TGM3: variants seen among roughly 807,000 people sequenced by gnomAD.
The protein encoded by TGM3 is protein-glutamine gamma-glutamyltransferase E.
TGM3 carries 52 observed loss-of-function variants against 73.8 expected under a neutral mutation model. That is an observed-to-expected ratio of 0.70 (90% confidence interval 0.56 to 0.89). The LOEUF (loss-of-function observed/expected upper bound fraction) is 0.89. Ranked by LOEUF, TGM3 falls within the 40% of genes least tolerant of loss-of-function variation. The probability of loss-of-function intolerance (pLI) is 0.00; values close to 1 mark genes in which losing one functional copy is unlikely to be tolerated. For missense variants in TGM3, 928 were observed against 909.9 expected, an observed-to-expected ratio of 1.02 and a Z score of -0.26; for synonymous variants, 372 against 354.9, an observed-to-expected ratio of 1.05 and a Z score of -0.54.
chr20:2,301,687 T>G (rs916594574), intron 1 of TGM3, among the ~76,000 whole-genome samples: 16 of 152,064 alleles, frequency 1.1e-4, no homozygotes, highest in African/African-American at 3.9e-4. Context: ...TAAAAACCAC[T>G]CAGCTAGATA....
chr20:2,302,421 G>A (rs2084153257), intron 1 of TGM3, among the ~76,000 whole-genome samples: 1 of 151,802 alleles, frequency 6.6e-6, no homozygotes, highest in Non-Finnish European at 1.5e-5. Context: ...GATTAACAGT[G>A]AACCCCCCCA....
chr20:2,317,257 G>A lies in TGM3; in HGVS notation c.847+12G>A, dbSNP rs369240674. The A allele has an allele frequency of 1.9e-6, 3 of 1,613,896 alleles. No individual in the cohort carries two copies. The highest frequency in any genetic ancestry group is 1.3e-5 in the African/African-American group (1 of 74,932). ...GACCCTCAACACAGGTACCTTGGGT[G>A]TGGTGTGCCTTGGCTGGGTCAGTGG... On this transcript the variant is annotated intron_variant, in intron 6 of 12. Transcript: ENST00000381458.
At chr20:2,317,943 C>CAT (rs61329150) in intron 7 of TGM3, among the ~76,000 whole-genome samples, 8,195 of 35,906 alleles carry the variant, frequency 0.23, 274 homozygotes, top group East Asian at 0.43. Context: ...ATATATATAT[C>CAT]ATATATATAT....
At chr20:2,338,488 T>C (rs780176960) in intron 11 of TGM3, among the ~76,000 whole-genome samples, 11 of 152,182 alleles carry the variant, frequency 7.2e-5, no homozygotes, top group Non-Finnish European at 1.3e-4. Flanking sequence ...CTTAAATGAG[T>C]TTCATGGAAG....
chr20:2,297,867 T>A (rs2122201321), intron 1 of TGM3, among the ~76,000 whole-genome samples: 1 of 152,296 alleles, frequency 6.6e-6, no homozygotes, highest in South Asian at 2.1e-4. Context: ...CCTCGGTAGC[T>A]TTTAGTCTGA....
intron 11 of TGM3, among the ~76,000 whole-genome samples, chr20:2,335,498 G>A (rs191774366): frequency 6.2e-4 from 94 of 152,326 alleles, no homozygotes; most frequent in African/African-American, 2.2e-3. Flanking sequence ...TGAGATAAAC[G>A]CGTGCATTTG....
chr20:2,332,425 C>T lies in TGM3; in HGVS notation c.1642+115C>T, dbSNP rs1054993951. ...AGTCAGCTACGAATGGAGCAGCCAG[C>T]GGCCCCTGTGGTTAAGCCATGTATT... On this transcript the variant is annotated intron_variant, in intron 10 of 12. Coordinates refer to ENST00000381458, the MANE Select transcript of TGM3 (RefSeq NM_003245.4). The surrounding 1 kb of genome is among the most constrained non-coding windows in gnomAD (Gnocchi z 4.4). The T allele has an allele frequency of 4.9e-6, 5 of 1,030,706 alleles. No individual in the cohort carries two copies. The highest frequency in any genetic ancestry group is 5.2e-5 in the East Asian group (2 of 38,128). 63.8% of individuals were successfully genotyped at this position (1,030,706 alleles called of 1,614,324 possible). A position where few individuals can be genotyped will look rare whatever the true frequency, so the allele number is the denominator to read the frequency against.
rs1156997567 is a variant in TGM3 at position 2,325,845 on chromosome 20, G to T, written c.984-4G>T. On this transcript the variant is annotated splice_polypyrimidine_tract_variant and splice_region_variant and intron_variant, in intron 7 of 12. Transcript: ENST00000381458. The stretch of plus-strand genomic sequence containing the variant: ...AGCGCTGCAGTCTCTGGTTCTATCT[G>T]CAGGAATTTCCATGTCTGGAATGAA... 1.9e-6 allele frequency: 3 copies of T among 1,554,348 alleles called. No individual in the cohort carries two copies. In the Admixed American group the frequency reaches 5.8e-5, roughly 30 times the overall value.
chr20:2,335,229 G>C lies in TGM3; in HGVS notation c.1756G>C (p.Val586Leu), dbSNP rs781219007. 1.2e-6 allele frequency: 2 copies of C among 1,614,208 alleles called. No individual in the cohort carries two copies. Among genetic ancestry groups the C allele is most frequent in the Non-Finnish European group, 1.7e-6 (2 of 1,180,030 alleles). Residue 586 changes from valine to leucine, a missense_variant, in exon 11 of 13, where the codon GTG becomes CTG. Transcript: ENST00000381458. ...CKVPDESEVVVERDIILDNPT... is the reference protein window; with the variant it reads ...CKVPDESEVVLERDIILDNPT... ...GGTCCCAGATGAGTCTGAGGTGGTG[G>C]TGGAGCGGGACATCATCCTGGACAA...
At position 2,325,955 on chromosome 20, in the gene TGM3, A is replaced by G; in HGVS notation, c.1087+3A>G. ...TACCCCGCAGGAAAGAAGCCAAGGT[A>G]ACTTCTCTGGGTGTGGTTCTGAGTC... is the stretch of plus-strand genomic sequence containing the variant. On this transcript the variant is annotated splice_donor_region_variant and intron_variant, in intron 8 of 12. Transcript: ENST00000381458. The G allele has an allele frequency of 6.3e-7, 1 of 1,587,518 alleles. No individual in the cohort carries two copies. Among genetic ancestry groups the G allele is most frequent in the Non-Finnish European group, 8.6e-7 (1 of 1,165,258 alleles).
Position 2,331,761 on chromosome 20 carries a change from G to GC in TGM3, c.1334-241_1334-240insC, listed in dbSNP as rs113933011. ...AGCCACATAGTAATTGTGTGCAGGTGTGATAAAGCTTTTCTACAGATTTTG... is the reference window on the plus strand; with the variant it reads ...AGCCACATAGTAATTGTGTGCAGGTGCTGATAAAGCTTTTCTACAGATTTTG... On this transcript the variant is annotated intron_variant, in intron 9 of 12. Coordinates refer to ENST00000381458, the MANE Select transcript of TGM3 (RefSeq NM_003245.4). Among the ~76,000 whole-genome samples, 1,315 of 152,326 alleles carry GC rather than the reference G, an allele frequency of 8.6e-3. 18 individuals are homozygous for GC. The highest frequency in any genetic ancestry group is 0.03 in the African/African-American group (1,256 of 41,562).
At chr20:2,316,494 G>A (rs1324793923) in intron 5 of TGM3, among the ~76,000 whole-genome samples, 1 of 151,950 alleles carries the variant, frequency 6.6e-6, no homozygotes, top group East Asian at 1.9e-4. Flanking sequence ...TCCAGGAGGC[G>A]AAGCTTGCAG....
At chr20:2,307,910 C>A (rs1228766276) in intron 1 of TGM3, among the ~76,000 whole-genome samples, 2 of 151,966 alleles carry the variant, frequency 1.3e-5, no homozygotes, top group Non-Finnish European at 1.5e-5. Flanking sequence ...AAGCAGTGTG[C>A]TAGGCATCAG....
rs975975215 is a variant in TGM3, at chr20:2,340,762, G to A, written c.*181G>A. On this transcript the variant is annotated 3_prime_UTR_variant, in exon 13 of 13. Coordinates refer to ENST00000381458, the MANE Select transcript of TGM3 (RefSeq NM_003245.4). ...CTCCTCTCCCCCAGGTTGGGGCTGG[G>A]TCCACCCTGTCCTATGACTTGATCA... The A allele has an allele frequency of 7.6e-6, 6 of 787,868 alleles. No individual in the cohort carries two copies. Among genetic ancestry groups the A allele is most frequent in the African/African-American group, 1.7e-5 (1 of 58,592 alleles). The allele number at this position is 787,868 out of a possible 1,614,324, so 48.8% of individuals were successfully genotyped here.
intron 1 of TGM3, among the ~76,000 whole-genome samples, chr20:2,301,821 C>T (rs1285221210): frequency 1.3e-5 from 2 of 152,118 alleles, no homozygotes; most frequent in Non-Finnish European, 2.9e-5. Flanking sequence ...CTGCCTCAGC[C>T]TACCAAGTAG....
In TGM3 at chr20:2,328,222, G is replaced by A. The variant is rs146171554; in HGVS notation, c.1190G>A (p.Arg397His). The change falls in exon 9 of 13, where the codon CGC (arginine) becomes CAC (histidine). Residue 397 changes from arginine to histidine, a missense_variant. Coordinates refer to ENST00000381458, the MANE Select transcript of TGM3 (RefSeq NM_003245.4). This position sits in a 1 kb window ranked among gnomAD's most constrained non-coding sequence, Gnocchi z 5.2. The stretch of plus-strand genomic sequence containing the variant: ...ATCTTCGCGGAGGTTAATGCCGACC[G>A]CATCACCTGGCTGTACGACAACACC... Reference protein sequence around the residue: ...PFIFAEVNADRITWLYDNTTG... With the variant: ...PFIFAEVNADHITWLYDNTTG... 23 of 1,614,174 alleles carry A rather than the reference G, an allele frequency of 1.4e-5. No homozygotes were observed. The highest frequency in any genetic ancestry group is 7.7e-5 in the South Asian group (7 of 91,080).
chr20:2,312,396 CAAA>C (rs57369938), intron 4 of TGM3, among the ~76,000 whole-genome samples: 30 of 60,484 alleles, frequency 5.0e-4, no homozygotes, highest in African/African-American at 1.7e-3. Flanking sequence ...GACTCCGTCT[CAAA>C]AAAAAAAAAA....
At position 2,328,387 on chromosome 20, in the gene TGM3, CAGTGCCGCGAG is replaced by C. The variant is rs938504857; in HGVS notation, c.1333+25_1333+35del. On this transcript the variant is annotated intron_variant, in intron 9 of 12. Coordinates refer to ENST00000381458, the MANE Select transcript of TGM3 (RefSeq NM_003245.4). The surrounding 1 kb of genome is among the most constrained non-coding windows in gnomAD (Gnocchi z 5.2). ...GAAGGTAGGAGGGACGCTGGCGGGG[CAGTGCCGCGAG>C]AGGTTCTATTGTGGGAGGATGGCTC... The C allele has an allele frequency of 3.7e-6, 6 of 1,613,090 alleles. No homozygotes were observed. In the African/African-American group the frequency reaches 8.0e-5, roughly 22 times the overall value.
At chr20:2,336,961 C>A (rs746478736) in intron 11 of TGM3, among the ~76,000 whole-genome samples, 38 of 152,044 alleles carry the variant, frequency 2.5e-4, no homozygotes, top group Non-Finnish European at 4.1e-4. Context: ...AATTATACAC[C>A]CTCAGAACAT....
Sources: allele counts gnomAD v4.1 joint callset (sites outside exome capture counted in the v4.1 genomes callset), GRCh38; gene constraint gnomAD v4.1.1; non-coding constraint Gnocchi (gnomAD v3.1); transcripts MANE v1.5; gene names NCBI Gene and HGNC (gene_info 2026-07-23, HGNC 2026-07-21).